The following CNTN5 variants were observed in gnomAD, a reference collection of about 807,000 sequenced individuals.
CNTN5 encodes contactin 5.
Under a neutral mutation model 129.1 loss-of-function variants are expected in CNTN5, and 77 were observed. The observed-to-expected ratio is 0.60, with a 90% CI of 0.50 to 0.72. The LOEUF (loss-of-function observed/expected upper bound fraction) is 0.72, where lower values mean the gene tolerates loss of function less well. Ranked by LOEUF, CNTN5 falls within the 30% of genes least tolerant of loss-of-function variation. CNTN5 has a pLI of 0.00. For missense variants in CNTN5, 1,478 were observed against 1,328.8 expected (o/e 1.11, Z -1.75); for synonymous variants, 509 against 465.6 (o/e 1.09, Z -1.20).
At chr11:99,787,184 A>T (rs192856743) in intron 3 of CNTN5, among the ~76,000 whole-genome samples, 1 of 151,050 alleles carries the variant, frequency 6.6e-6, no homozygotes, top group Admixed American at 6.6e-5. Flanking sequence ...CTTTAAGAGG[A>T]TGATCTTCTT....
At chr11:100,250,310 T>C (rs11223407) in intron 16 of CNTN5, among the ~76,000 whole-genome samples, 27,511 of 152,070 alleles carry the variant, frequency 0.18, 3,089 homozygotes, top group Non-Finnish European at 0.24. Flanking sequence ...ATTCTTTTAC[T>C]TGTTAATTGT....
chr11:99,493,797 A>C (rs376024554), intron 2 of CNTN5, among the ~76,000 whole-genome samples: 1 of 152,108 alleles, frequency 6.6e-6, no homozygotes, highest in Non-Finnish European at 1.5e-5. Context: ...AAGTTAAAGG[A>C]TTTACTTACC....
chr11:99,736,711 T>C (rs1943722716), intron 3 of CNTN5, among the ~76,000 whole-genome samples: 1 of 152,134 alleles, frequency 6.6e-6, no homozygotes, highest in Non-Finnish European at 1.5e-5. Flanking sequence ...GACGGTGATA[T>C]TTATACCAAA....
At position 99,204,848 on chromosome 11, in the gene CNTN5, A is replaced by G. The variant is rs186328759; in HGVS notation, c.-209-120498A>G. 7.9e-5 allele frequency among the ~76,000 whole-genome samples: 12 copies of G among 152,310 alleles called. No individual in the cohort carries two copies. In the East Asian group the frequency reaches 2.3e-3, roughly 29 times the overall value. On this transcript the variant is annotated intron_variant, in intron 1 of 24. Coordinates refer to ENST00000524871, the MANE Select transcript of CNTN5 (RefSeq NM_014361.4). ...CTCTTTGCTTCTAAATATTAAGCCTACAGTTCCTTGCACTTTTATTTCTGA... is the reference window on the plus strand; with the variant it reads ...CTCTTTGCTTCTAAATATTAAGCCTGCAGTTCCTTGCACTTTTATTTCTGA...
chr11:100,207,811 G>A (rs1814628203), intron 15 of CNTN5, among the ~76,000 whole-genome samples: 1 of 152,170 alleles, frequency 6.6e-6, no homozygotes. Context: ...TGTCTCTGGT[G>A]TTTAAAATTA....
At chr11:99,973,706 G>T (rs1937736617) in intron 8 of CNTN5, among the ~76,000 whole-genome samples, 1 of 151,942 alleles carries the variant, frequency 6.6e-6, no homozygotes, top group Non-Finnish European at 1.5e-5. Context: ...CCATTATCCT[G>T]CAAGGATTCT....
At chr11:99,285,704 G>A (rs11605798) in intron 1 of CNTN5, among the ~76,000 whole-genome samples, 14,416 of 151,932 alleles carry the variant, frequency 0.095, 733 homozygotes, top group South Asian at 0.14. Context: ...GGAAGCTGTC[G>A]ATACACAGAG....
intron 3 of CNTN5, among the ~76,000 whole-genome samples, chr11:99,805,238 C>T (rs1946231831): frequency 6.6e-6 from 1 of 152,024 alleles, no homozygotes. Context: ...ACATAGTTAA[C>T]TAGAGCAGTG....
rs7111315 is a variant in CNTN5 at position 99,602,505 on chromosome 11, G to C, written c.55+46236G>C. Among the ~76,000 whole-genome samples the C allele has an allele frequency of 9.1e-3, 1,380 of 152,050 alleles. 21 individuals carry two copies. The highest frequency in any genetic ancestry group is 0.032 in the African/African-American group (1,314 of 41,440). On this transcript the variant is annotated intron_variant, in intron 3 of 24. Coordinates refer to ENST00000524871, the MANE Select transcript of CNTN5 (RefSeq NM_014361.4). ...AATTGTATTGATCAGGCACATTTCT[G>C]GCTACTTCAATTGAGAGCACTACCC... is the stretch of plus-strand genomic sequence containing the variant.
At chr11:99,203,878 G>A (rs547964137) in intron 1 of CNTN5, among the ~76,000 whole-genome samples, 8 of 152,190 alleles carry the variant, frequency 5.3e-5, no homozygotes, top group East Asian at 1.9e-4. Context: ...GATTACAGGC[G>A]TGAGCCACCA....
intron 1 of CNTN5, among the ~76,000 whole-genome samples, chr11:99,091,021 C>CAAAAAAAAAAAAA (rs68113369): frequency 5.3e-5 from 3 of 56,760 alleles, no homozygotes; most frequent in East Asian, 6.6e-4. Flanking sequence ...GACTCCGTCT[C>CAAAAAAAAAAAAA]AAAAAAAAAA....
chr11:99,389,425 T>G (rs1017277740), intron 2 of CNTN5, among the ~76,000 whole-genome samples: 4 of 152,184 alleles, frequency 2.6e-5, no homozygotes, highest in African/African-American at 9.7e-5. Flanking sequence ...TGTACCTGTA[T>G]TGTGTATAAT....
At chr11:99,534,646 T>C (rs984749539) in intron 2 of CNTN5, among the ~76,000 whole-genome samples, 26 of 152,174 alleles carry the variant, frequency 1.7e-4, no homozygotes, top group Non-Finnish European at 2.5e-4. Flanking sequence ...TTGCTTTATA[T>C]GTTAATTATA....
At chr11:99,873,805 CCT>C (rs1295667429) in intron 6 of CNTN5, among the ~76,000 whole-genome samples, 1 of 152,062 alleles carries the variant, frequency 6.6e-6, no homozygotes, top group African/African-American at 2.4e-5. Flanking sequence ...TTGTAGCTAA[CCT>C]ATATGTCTAT....
chr11:99,959,624 G>T (rs1293526779), intron 8 of CNTN5, among the ~76,000 whole-genome samples: 1 of 152,124 alleles, frequency 6.6e-6, no homozygotes, highest in African/African-American at 2.4e-5. Flanking sequence ...TAATTGAACT[G>T]ACTGTAGCAG....
chr11:99,323,218 A>G (rs1023384864), intron 1 of CNTN5, among the ~76,000 whole-genome samples: 8 of 152,270 alleles, frequency 5.3e-5, no homozygotes, highest in Admixed American at 1.3e-4. Context: ...CAGAAATGCT[A>G]AATAAGTGTT....
At chr11:99,534,363 T>C (rs190099106) in intron 2 of CNTN5, among the ~76,000 whole-genome samples, 1 of 151,838 alleles carries the variant, frequency 6.6e-6, no homozygotes, top group Admixed American at 6.7e-5. Flanking sequence ...ATGAGCATGA[T>C]TTTAATGAGA....
chr11:99,822,176 TA>T (rs1946821891), intron 4 of CNTN5, among the ~76,000 whole-genome samples: 1 of 152,086 alleles, frequency 6.6e-6, no homozygotes, highest in South Asian at 2.1e-4. Flanking sequence ...AGCCAAGAAG[TA>T]CCCCAGACAG....
chr11:99,873,854 A>G lies in CNTN5; in HGVS notation c.577+28592A>G, dbSNP rs574262645. On this transcript the variant is annotated intron_variant, in intron 6 of 24. Transcript: ENST00000524871. ...TGGACAAAGCAAAGGTGATACATACATATCAGCATGGAACACAATGCAGCC... is the reference window on the plus strand; with the variant it reads ...TGGACAAAGCAAAGGTGATACATACGTATCAGCATGGAACACAATGCAGCC... 1.6e-4 allele frequency among the ~76,000 whole-genome samples: 25 copies of G among 152,276 alleles called. No individual in the cohort carries two copies. The East Asian group carries it at 4.1e-3, about 25-fold the overall frequency.
Sources: gnomAD v4.1 joint callset for allele counts (sites outside exome capture counted in the v4.1 genomes callset) on GRCh38, gnomAD v4.1.1 for gene constraint, MANE v1.5 for transcripts, NCBI Gene and HGNC (gene_info 2026-07-23, HGNC 2026-07-21) for gene names.